The following HTR6 variants were observed in gnomAD, a reference collection of about 807,000 sequenced individuals.
HTR6 encodes 5-hydroxytryptamine (serotonin) receptor 6, G protein-coupled.
Under a neutral mutation model 17.4 loss-of-function variants are expected in HTR6, and 15 were observed. That is an observed-to-expected ratio of 0.86 (90% CI 0.58 to 1.33). The LOEUF (loss-of-function observed/expected upper bound fraction) is 1.33. HTR6 is among the 40% of genes most tolerant of loss of function. HTR6 has a pLI of 0.00. For missense variants in HTR6, 578 were observed against 616.0 expected (o/e 0.94, Z 0.65); for synonymous variants, 326 against 295.5 (o/e 1.10, Z -1.06).
At chr1:19,673,647 G>A (rs1394194499) in intron 1 of HTR6, among the ~76,000 whole-genome samples, 3 of 152,152 alleles carry the variant, frequency 2.0e-5, no homozygotes, top group African/African-American at 7.2e-5. Flanking sequence ...GTGGTGAGCC[G>A]AGATCGCGCC....
Position 19,666,487 on chromosome 1 carries a change from AGACCCGGGCTGTGG to A in HTR6, c.714+23_714+36del. 2 of 1,563,580 alleles carry A rather than the reference AGACCCGGGCTGTGG, an allele frequency of 1.3e-6. No homozygotes were observed. The highest frequency in any genetic ancestry group is 1.7e-6 in the Non-Finnish European group (2 of 1,151,218). On this transcript the variant is annotated intron_variant, in intron 1 of 2. Coordinates refer to ENST00000289753, the MANE Select transcript of HTR6 (RefSeq NM_000871.3). The surrounding 1 kb of genome is among the most constrained non-coding windows in gnomAD (Gnocchi z 4.5). ...CTGCAGGTACCTGGGGTGCGCAGGG[AGACCCGGGCTGTGG>A]GATAGAGAGGAATGAGCAGCCCCTG...
chr1:19,669,319 C>T (rs2095085092), intron 1 of HTR6, among the ~76,000 whole-genome samples: 1 of 152,126 alleles, frequency 6.6e-6, no homozygotes, highest in Non-Finnish European at 1.5e-5. Context: ...CAGCTGCAGC[C>T]CCACAATCTG....
intron 1 of HTR6, among the ~76,000 whole-genome samples, chr1:19,675,823 G>A (rs947161953): frequency 2.6e-5 from 4 of 152,112 alleles, no homozygotes; most frequent in African/African-American, 9.7e-5. Flanking sequence ...GGAAGCAGGA[G>A]CCTCTTCCTC....
At chr1:19,673,172 G>A (rs989326915) in intron 1 of HTR6, among the ~76,000 whole-genome samples, 2 of 152,186 alleles carry the variant, frequency 1.3e-5, no homozygotes, top group African/African-American at 4.8e-5. Flanking sequence ...ACTTCTATGG[G>A]ACTTCCTATG....
chr1:19,670,783 A>T (rs2095087164), intron 1 of HTR6, among the ~76,000 whole-genome samples: 1 of 151,858 alleles, frequency 6.6e-6, no homozygotes, highest in African/African-American at 2.4e-5. Flanking sequence ...GTTTTCCCCC[A>T]TGGTCCCAGG....
intron 1 of HTR6, among the ~76,000 whole-genome samples, chr1:19,672,619 C>T (rs893102587): frequency 3.9e-5 from 6 of 152,162 alleles, no homozygotes; most frequent in African/African-American, 1.2e-4. Context: ...CATAGCTGGA[C>T]GATCTTGGGC....
At chr1:19,668,771 T>C (rs780374332) in intron 1 of HTR6, among the ~76,000 whole-genome samples, 1 of 152,194 alleles carries the variant, frequency 6.6e-6, no homozygotes, top group East Asian at 1.9e-4. Flanking sequence ...CAAATTTGTG[T>C]AGAAAGAAAA....
At chr1:19,672,440 A>G (rs919565979) in intron 1 of HTR6, among the ~76,000 whole-genome samples, 5 of 151,810 alleles carry the variant, frequency 3.3e-5, no homozygotes, top group African/African-American at 1.2e-4. Flanking sequence ...TCACAGAAAT[A>G]TCTGTGAGGG....
chr1:19,678,277 T>C (rs1020450027), intron 1 of HTR6, among the ~76,000 whole-genome samples: 1 of 151,716 alleles, frequency 6.6e-6, no homozygotes, highest in African/African-American at 2.4e-5. Context: ...AGGTCCACAG[T>C]TGAGGCTTGG....
intron 1 of HTR6, among the ~76,000 whole-genome samples, chr1:19,678,210 A>G (rs2095096709): frequency 1.3e-5 from 2 of 152,134 alleles, no homozygotes; most frequent in African/African-American, 4.8e-5. Flanking sequence ...AGAGCTCCTT[A>G]TGAAATTCTG....
rs770746430 is a variant in HTR6, at chr1:19,666,363, A to G, written c.610A>G (p.Ile204Val). Residue 204 changes from isoleucine (I) to valine (V), a missense_variant, in exon 1 of 3, where the codon ATA (isoleucine) becomes GTA (valine). Transcript: ENST00000289753. The surrounding 1 kb of genome is among the most constrained non-coding windows in gnomAD (Gnocchi z 4.5). ...GLTFFLPSGA[I>V]CFTYCRILLA... ...CACCTTCTTCCTGCCCTCGGGTGCCATATGCTTCACCTACTGCAGGATCCT... is the reference window on the plus strand; with the variant it reads ...CACCTTCTTCCTGCCCTCGGGTGCCGTATGCTTCACCTACTGCAGGATCCT... 1.7e-5 allele frequency: 28 copies of G among 1,613,656 alleles called. No homozygotes were observed. The highest frequency in any genetic ancestry group is 1.2e-4 in the African/African-American group (9 of 74,898).
Position 19,666,478 on chromosome 1 carries a change from T to A in HTR6, c.714+11T>A. The A allele has an allele frequency of 6.3e-7, 1 of 1,586,846 alleles. No homozygotes were observed. The highest frequency in any genetic ancestry group is 8.6e-7 in the Non-Finnish European group (1 of 1,166,496). On this transcript the variant is annotated intron_variant, in intron 1 of 2. Transcript: ENST00000289753. The surrounding 1 kb of genome is among the most constrained non-coding windows in gnomAD (Gnocchi z 4.5). Reference sequence around the variant, plus strand: ...TCGGAGACGCTGCAGGTACCTGGGGTGCGCAGGGAGACCCGGGCTGTGGGA... The same window carrying A: ...TCGGAGACGCTGCAGGTACCTGGGGAGCGCAGGGAGACCCGGGCTGTGGGA...
Position 19,680,193 on chromosome 1 carries a change from G to C in HTR6, c.*825G>C, listed in dbSNP as rs190302952. Among the ~76,000 whole-genome samples, 1 of 152,350 alleles carries C rather than the reference G, an allele frequency of 6.6e-6. No homozygotes were observed. Among genetic ancestry groups the C allele is most frequent in the Non-Finnish European group, 1.5e-5 (1 of 68,032 alleles). On this transcript the variant is annotated 3_prime_UTR_variant, in exon 3 of 3. Coordinates refer to ENST00000289753, the MANE Select transcript of HTR6 (RefSeq NM_000871.3). ...TAAGACAATGTGTGCCCAGCACCCA[G>C]TACACGGTCAGTTAATTGGTACGTT...
chr1:19,664,877 A>G lies in HTR6; in HGVS notation c.-877A>G, dbSNP rs1047715771. ...GCGGGGACCGCGCGCTCCAGGCTGC[A>G]CCCGGCCTCTCCTCCGCGCGTGCGG... is the stretch of plus-strand genomic sequence containing the variant. On this transcript the variant is annotated 5_prime_UTR_variant, in exon 1 of 3. Coordinates refer to ENST00000289753, the MANE Select transcript of HTR6 (RefSeq NM_000871.3). The surrounding 1 kb of genome is among the most constrained non-coding windows in gnomAD (Gnocchi z 4.7). Among the ~76,000 whole-genome samples, 1 of 150,660 alleles carries G rather than the reference A, an allele frequency of 6.6e-6. No individual in the cohort carries two copies. Among genetic ancestry groups the G allele is most frequent in the Non-Finnish European group, 1.5e-5 (1 of 67,536 alleles).
Position 19,673,098 on chromosome 1 carries a change from C to G in HTR6, c.715-5469C>G, listed in dbSNP as rs374835466. Among the ~76,000 whole-genome samples the G allele has an allele frequency of 3.3e-5, 5 of 152,196 alleles. No homozygotes were observed. The East Asian group carries it at 7.7e-4, about 23-fold the overall frequency. ...GGAAAAACATCACTGCTGTCACCAG[C>G]ACCATCACCATCATTATCAAACAGC... On this transcript the variant is annotated intron_variant, in intron 1 of 2. Coordinates refer to ENST00000289753, the MANE Select transcript of HTR6 (RefSeq NM_000871.3).
In HTR6 at chr1:19,665,931, A is replaced by C. The variant is rs1268217968; in HGVS notation, c.178A>C (p.Thr60Pro). The stretch of plus-strand genomic sequence containing the variant: ...CTGCACTCAGCCCGCGCTGCGCAAC[A>C]CGTCCAACTTCTTCCTGGTGTCGCT... ...LICTQPALRN[T>P]SNFFLVSLFT... The change falls in exon 1 of 3, where the codon ACG (threonine) becomes CCG (proline). Residue 60 changes from threonine to proline, a missense_variant. Thr to Pro is a conservative substitution (Grantham distance 38). Transcript: ENST00000289753. This position sits in a 1 kb window ranked among gnomAD's most constrained non-coding sequence, Gnocchi z 4.2. The C allele has an allele frequency of 6.2e-7, 1 of 1,613,610 alleles. No individual in the cohort carries two copies. The highest frequency in any genetic ancestry group is 8.5e-7 in the Non-Finnish European group (1 of 1,179,838).
chr1:19,667,881 C>T (rs1167846979), intron 1 of HTR6, among the ~76,000 whole-genome samples: 1 of 152,234 alleles, frequency 6.6e-6, no homozygotes, highest in Non-Finnish European at 1.5e-5. Context: ...AAAGTCCCAG[C>T]TGGGCTCTTT....
At chr1:19,673,740 G>C (rs1311124397) in intron 1 of HTR6, among the ~76,000 whole-genome samples, 1 of 151,878 alleles carries the variant, frequency 6.6e-6, no homozygotes, top group African/African-American at 2.4e-5. Context: ...TTGCACAAAG[G>C]AATACATAAA....
At chr1:19,668,741 CTT>C (rs1342647147) in intron 1 of HTR6, among the ~76,000 whole-genome samples, 1 of 152,158 alleles carries the variant, frequency 6.6e-6, no homozygotes, top group Non-Finnish European at 1.5e-5. Flanking sequence ...TAAATCATCT[CTT>C]TTATATTTTT....
Sources: gnomAD v4.1 joint callset for allele counts (sites outside exome capture counted in the v4.1 genomes callset) on GRCh38, gnomAD v4.1.1 for gene constraint, Gnocchi (gnomAD v3.1) non-coding constraint, MANE v1.5 for transcripts, NCBI Gene and HGNC (gene_info 2026-07-23, HGNC 2026-07-21) for gene names.